ZNF461: variants seen among roughly 807,000 people sequenced by gnomAD.
The protein encoded by ZNF461 is zinc finger protein 461, also known as gonadotropin-inducible ovarian transcription factor-1.
A neutral mutation model predicts 18.3 loss-of-function variants in ZNF461; 16 were observed. That is an observed-to-expected ratio of 0.88 (90% CI 0.59 to 1.33). The LOEUF (loss-of-function observed/expected upper bound fraction) is 1.33, where lower values mean the gene tolerates loss of function less well. ZNF461 is among the 40% of genes most tolerant of loss of function. The probability of loss-of-function intolerance (pLI) is 0.00; values close to 1 mark genes in which losing one functional copy is unlikely to be tolerated. For missense variants in ZNF461, 595 were observed against 669.9 expected, an observed-to-expected ratio of 0.89 and a Z score of 1.23; for synonymous variants, 179 against 216.9, an observed-to-expected ratio of 0.83 and a Z score of 1.54.
chr19:36,646,585 A>G (rs1266003385), intron 4 of ZNF461, among the ~76,000 whole-genome samples: 1 of 152,254 alleles, frequency 6.6e-6, no homozygotes, highest in African/African-American at 2.4e-5. Context: ...GAAGATCTGC[A>G]TAACTAATTG....
Position 36,664,749 on chromosome 19 carries a change from G to A in ZNF461, c.-43C>T, listed in dbSNP as rs112475214. 99 of 1,421,582 alleles carry A rather than the reference G, an allele frequency of 7.0e-5. No individual in the cohort carries two copies. The highest frequency in any genetic ancestry group is 3.7e-4 in the East Asian group (14 of 38,058). The allele number at this position is 1,421,582 out of a possible 1,614,324, so 88.1% of individuals were successfully genotyped here. ...AATGTATTATTTAATCCTCTTCTTC[G>A]TTCCCTCTGGAAGAAACTCAATCCA... On this transcript the variant is annotated 5_prime_UTR_variant, in exon 2 of 6. In the 5' UTR this introduces an upstream ATG that the reference lacks. Transcript: ENST00000588268.
intron 2 of ZNF461, 72 bp from the exon 3 acceptor site, chr19:36,658,497 A>C (rs879097178): frequency 6.2e-6 from 9 of 1,455,698 alleles, no homozygotes; most frequent in African/African-American, 4.3e-5. Context: ...AGAAGTGCTA[A>C]AAGAAGGTAC....
In ZNF461 at chr19:36,638,920, A is replaced by T. The variant is rs1264805910; in HGVS notation, c.1425T>A (p.Gly475=). The change falls in exon 6 of 6, where the codon GGT becomes GGA. Residue 475 remains glycine (G), a synonymous_variant. Transcript: ENST00000588268. ...GGTGTGAATGAAGTCTAAAGGCCTT[A>T]CCACATATCATGCATTCATGAGGTT... is the stretch of plus-strand genomic sequence containing the variant. ...GEKPHECMIC[G]KAFRLHSHLI... 6.2e-7 allele frequency: 1 copy of T among 1,605,924 alleles called. No individual in the cohort carries two copies. Among genetic ancestry groups the T allele is most frequent in the Non-Finnish European group, 8.5e-7 (1 of 1,174,648 alleles).
intron 4 of ZNF461, among the ~76,000 whole-genome samples, chr19:36,647,450 G>A (rs2037548052): frequency 6.6e-6 from 1 of 152,050 alleles, no homozygotes; most frequent in African/African-American, 2.4e-5. Flanking sequence ...TGAGGCAGAA[G>A]AATCGCTTGA....
chr19:36,666,016 G>A (rs66783290), intron 1 of ZNF461, among the ~76,000 whole-genome samples: 19,442 of 151,964 alleles, frequency 0.13, 2,049 homozygotes, highest in East Asian at 0.56. Flanking sequence ...GTCTGTGTGT[G>A]AGAGACCAGA....
intron 3 of ZNF461, among the ~76,000 whole-genome samples, chr19:36,657,075 G>A (rs1337388754): frequency 6.6e-6 from 1 of 151,068 alleles, no homozygotes; most frequent in Non-Finnish European, 1.5e-5. Context: ...TTGCCTCAGC[G>A]TCCCAAAGTG....
Position 36,640,087 on chromosome 19 carries a change from A to G in ZNF461, c.302-44T>C, listed in dbSNP as rs770694128. On this transcript the variant is annotated intron_variant, in intron 5 of 5. Coordinates refer to ENST00000588268, the MANE Select transcript of ZNF461 (RefSeq NM_153257.5). ...ATTTTAACTCCTGGTTTTGTACTAT[A>G]AGAGAAATAAAATATCTATGGTAGC... 7.5e-5 allele frequency: 111 copies of G among 1,474,696 alleles called. No homozygotes were observed. The East Asian group carries it at 2.5e-3, about 33-fold the overall frequency. The allele number at this position is 1,474,696 out of a possible 1,614,324, so 91.4% of individuals were successfully genotyped here.
At chr19:36,664,831 C>A in intron 1 of ZNF461, 45 bp from the exon 2 acceptor site, 1 of 635,414 alleles carries the variant, frequency 1.6e-6, no homozygotes, top group Non-Finnish European at 2.5e-6. Context: ...ATTATTGCCT[C>A]TAAGCTCCCA....
At position 36,654,815 on chromosome 19, in the gene ZNF461, T is replaced by C. The variant is rs940924282; in HGVS notation, c.232+1633A>G. 6.3e-4 allele frequency among the ~76,000 whole-genome samples: 96 copies of C among 152,170 alleles called. 1 individual carries two copies. Among genetic ancestry groups the C allele is most frequent in the Admixed American group, 3.3e-4 (5 of 15,270 alleles). On this transcript the variant is annotated intron_variant, in intron 4 of 5. Transcript: ENST00000588268. Reference sequence around the variant, plus strand: ...CTCTGCCATCTCTACCTCCTCAATATAGTCATATATTACTTTCTCTAACTT... The same window carrying C: ...CTCTGCCATCTCTACCTCCTCAATACAGTCATATATTACTTTCTCTAACTT...
intron 3 of ZNF461, among the ~76,000 whole-genome samples, chr19:36,657,209 G>C (rs1404551872): frequency 1.3e-5 from 2 of 151,922 alleles, no homozygotes; most frequent in Non-Finnish European, 2.9e-5. Context: ...GGTCAGGCGC[G>C]GTGGCTCACA....
intron 4 of ZNF461, among the ~76,000 whole-genome samples, chr19:36,646,809 G>A (rs867239162): frequency 4.2e-5 from 4 of 94,512 alleles, no homozygotes; most frequent in African/African-American, 8.6e-5. Flanking sequence ...AACTATTTTC[G>A]TTTTGTTTTG....
At position 36,639,018 on chromosome 19, in the gene ZNF461, A is replaced by C. The variant is rs1348449306; in HGVS notation, c.1327T>G (p.Cys443Gly). 1.2e-6 allele frequency: 2 copies of C among 1,613,996 alleles called. No homozygotes were observed. Among genetic ancestry groups the C allele is most frequent in the Admixed American group, 3.3e-5 (2 of 60,004 alleles). The change falls in exon 6 of 6, where the codon TGT (cysteine) becomes GGT (glycine). Residue 443 changes from cysteine to glycine, a missense_variant. Coordinates refer to ENST00000588268, the MANE Select transcript of ZNF461 (RefSeq NM_153257.5). ...CTAAAAGTCTTCCCACATTCCTTAC[A>C]CTCATAGGGTTTCTCACCAGTATGA... Reference protein sequence around the residue: ...RIHTGEKPYECKECGKTFRQC... With the variant: ...RIHTGEKPYEGKECGKTFRQC...
At chr19:36,659,534 A>G (rs1600443936) in intron 2 of ZNF461, among the ~76,000 whole-genome samples, 1 of 152,192 alleles carries the variant, frequency 6.6e-6, no homozygotes, top group East Asian at 1.9e-4. Context: ...TGGCCTCCCA[A>G]AGTGCTGGGA....
At chr19:36,661,925 A>G (rs1467222119) in intron 2 of ZNF461, among the ~76,000 whole-genome samples, 3 of 152,252 alleles carry the variant, frequency 2.0e-5, no homozygotes, top group African/African-American at 7.2e-5. Flanking sequence ...GCTGTAGTGC[A>G]ATGGCACAAT....
At chr19:36,665,970 G>A (rs1253254500) in intron 1 of ZNF461, among the ~76,000 whole-genome samples, 1 of 152,048 alleles carries the variant, frequency 6.6e-6, no homozygotes, top group Non-Finnish European at 1.5e-5. Context: ...AGCCTTAGAT[G>A]TGTGCACAGG....
chr19:36,666,225 G>A (rs969334042), intron 1 of ZNF461, among the ~76,000 whole-genome samples: 2 of 151,802 alleles, frequency 1.3e-5, no homozygotes, highest in Non-Finnish European at 2.9e-5. Context: ...CTCCCAAGGA[G>A]CTGGAATTAC....
chr19:36,649,769 A>C (rs1214476718), intron 4 of ZNF461, among the ~76,000 whole-genome samples: 1 of 152,272 alleles, frequency 6.6e-6, no homozygotes, highest in Non-Finnish European at 1.5e-5. Context: ...GAAGCATGTC[A>C]GGTAACAGAT....
At chr19:36,659,137 C>A (rs1013207455) in intron 2 of ZNF461, among the ~76,000 whole-genome samples, 1 of 152,180 alleles carries the variant, frequency 6.6e-6, no homozygotes, top group Non-Finnish European at 1.5e-5. Flanking sequence ...GGAAGCCTAA[C>A]AAGCTCTCCA....
At chr19:36,650,586 C>T (rs2037609019) in intron 4 of ZNF461, among the ~76,000 whole-genome samples, 1 of 151,990 alleles carries the variant, frequency 6.6e-6, no homozygotes, top group Admixed American at 6.6e-5. Context: ...CTTTATAAGG[C>T]CAGTATTACT....
Sources: allele counts gnomAD v4.1 joint callset (sites outside exome capture counted in the v4.1 genomes callset), GRCh38; gene constraint gnomAD v4.1.1; transcripts MANE v1.5; gene names NCBI Gene and HGNC (gene_info 2026-07-23, HGNC 2026-07-21).